EXD2: variants seen among roughly 807,000 people sequenced by gnomAD.
EXD2 encodes exonuclease 3'-5' domain containing 2.
A neutral mutation model predicts 62.5 loss-of-function variants in EXD2; 40 were observed. The ratio of observed to expected loss-of-function variants is 0.64; its 90% CI spans 0.50 to 0.83. The LOEUF is 0.83. Among genes scored for constraint, EXD2 ranks in the 40% least tolerant of loss-of-function variants. EXD2 has a pLI of 0.00. For synonymous variants in EXD2, 239 were observed against 291.9 expected, an observed-to-expected ratio of 0.82 and a Z score of 1.85; for missense variants, 671 against 761.8, an observed-to-expected ratio of 0.88 and a Z score of 1.40.
intron 3 of EXD2, among the ~76,000 whole-genome samples, chr14:69,220,253 G>GTTTTTTTTTTTTCTT (rs2043127761): frequency 2.8e-5 from 1 of 35,094 alleles, no homozygotes; most frequent in Non-Finnish European, 4.9e-5. Context: ...TTGTCTCTCT[G>GTTTTTTTTTTTTCTT]TTTTTTTTTT....
intron 3 of EXD2, among the ~76,000 whole-genome samples, chr14:69,220,260 T>G (rs1000182304): frequency 7.3e-3 from 260 of 35,600 alleles, no homozygotes; most frequent in East Asian, 0.037. Context: ...TCTGTTTTTT[T>G]TTTTTTTTTT....
chr14:69,217,303 C>T (rs2043017080), intron 3 of EXD2, among the ~76,000 whole-genome samples: 1 of 152,162 alleles, frequency 6.6e-6, no homozygotes, highest in Admixed American at 6.5e-5. Context: ...GATCCTTCCA[C>T]CTCAGCCTCC....
At chr14:69,205,774 A>G (rs1040112573) in intron 2 of EXD2, among the ~76,000 whole-genome samples, 2 of 152,050 alleles carry the variant, frequency 1.3e-5, no homozygotes, top group Admixed American at 6.6e-5. Context: ...CCTGGTTCCA[A>G]TAGAATTTAC....
chr14:69,202,282 T>C (rs2042435229), intron 1 of EXD2, among the ~76,000 whole-genome samples: 1 of 151,884 alleles, frequency 6.6e-6, no homozygotes, highest in Non-Finnish European at 1.5e-5. Context: ...GGGGTTGAGG[T>C]GGGAGGATCA....
chr14:69,209,419 T>C lies in EXD2; in HGVS notation c.-47-5T>C. On this transcript the variant is annotated splice_region_variant and splice_polypyrimidine_tract_variant and intron_variant, in intron 2 of 9. Transcript: ENST00000685843. ...ATAAATATATTTTTGCCATTTGTTT[T>C]GCAGATTGTGGGATTAGTGATATGC... The C allele has an allele frequency of 7.2e-7, 1 of 1,398,134 alleles. No homozygotes were observed. The highest frequency in any genetic ancestry group is 9.5e-7 in the Non-Finnish European group (1 of 1,054,968). 86.6% of individuals were successfully genotyped at this position (1,398,134 alleles called of 1,614,324 possible). A position where few individuals can be genotyped will look rare whatever the true frequency, so the allele number is the denominator to read the frequency against.
intron 3 of EXD2, among the ~76,000 whole-genome samples, chr14:69,214,747 C>T (rs867342935): frequency 6.6e-6 from 1 of 152,158 alleles, no homozygotes; most frequent in African/African-American, 2.4e-5. Context: ...TTTCTTTATA[C>T]TTTTACTGCT....
At chr14:69,225,361 C>T (rs1331652703) in intron 3 of EXD2, among the ~76,000 whole-genome samples, 1 of 152,078 alleles carries the variant, frequency 6.6e-6, no homozygotes, top group Admixed American at 6.6e-5. Flanking sequence ...TTTAAGAATA[C>T]TGAAGCCAAA....
intron 1 of EXD2, among the ~76,000 whole-genome samples, chr14:69,199,135 T>A (rs1379631025): frequency 6.6e-6 from 1 of 152,232 alleles, no homozygotes; most frequent in South Asian, 2.1e-4. Context: ...CCCCGGCTAC[T>A]CAGGAGGCTG....
chr14:69,217,760 A>G (rs1243628224), intron 3 of EXD2, among the ~76,000 whole-genome samples: 1 of 152,002 alleles, frequency 6.6e-6, no homozygotes, highest in East Asian at 1.9e-4. Context: ...TCATTGTTCA[A>G]TTCCCACCTA....
chr14:69,221,909 T>TA (rs60647735), intron 3 of EXD2, among the ~76,000 whole-genome samples: 10,237 of 52,052 alleles, frequency 0.2, 1,818 homozygotes, highest in East Asian at 0.79. Flanking sequence ...CTGTCTCTAC[T>TA]AAAAAAAAAA....
intron 3 of EXD2, among the ~76,000 whole-genome samples, chr14:69,220,666 C>T (rs1417378667): frequency 6.7e-6 from 1 of 149,630 alleles, no homozygotes; most frequent in African/African-American, 2.5e-5. Flanking sequence ...GTCAGGAGTT[C>T]GAGACCAGCC....
intron 3 of EXD2, chr14:69,228,078 G>C (rs998016032): frequency 6.6e-6 from 1 of 150,504 alleles, no homozygotes; most frequent in African/African-American, 2.4e-5. Flanking sequence ...AGTCAGTGAT[G>C]ATAAGGTAAA....
rs1594790657 is a variant in EXD2, at chr14:69,241,723, TC to T, written c.*625del. The T allele has an allele frequency of 3.0e-5, 12 of 397,548 alleles. No individual in the cohort carries two copies. In the East Asian group the frequency reaches 4.3e-4, roughly 14 times the overall value. 24.6% of individuals were successfully genotyped at this position (397,548 alleles called of 1,614,324 possible). A position where few individuals can be genotyped will look rare whatever the true frequency, so the allele number is the denominator to read the frequency against. ...ACACTTCCAGGACCAAACAGCAACT[TC>T]CTGCCACACACTTCCACCCTATCAC... On this transcript the variant is annotated 3_prime_UTR_variant, in exon 10 of 10. Transcript: ENST00000685843.
intron 2 of EXD2, among the ~76,000 whole-genome samples, chr14:69,204,656 C>T (rs1167892009): frequency 6.6e-6 from 1 of 152,122 alleles, no homozygotes; most frequent in African/African-American, 2.4e-5. Context: ...AAGCTTGGAT[C>T]CCAGAGTAAA....
At chr14:69,238,792 A>G (rs2043889111) in intron 9 of EXD2, among the ~76,000 whole-genome samples, 1 of 151,832 alleles carries the variant, frequency 6.6e-6, no homozygotes, top group African/African-American at 2.4e-5. Flanking sequence ...GCACCACCAC[A>G]CCCAGCTAAT....
intron 1 of EXD2, among the ~76,000 whole-genome samples, chr14:69,202,793 T>C (rs1486229978): frequency 6.6e-6 from 1 of 152,184 alleles, no homozygotes; most frequent in Non-Finnish European, 1.5e-5. Context: ...TTGGCCTCAA[T>C]AGATGAAACA....
chr14:69,237,722 G>T lies in EXD2; in HGVS notation c.1440G>T (p.Glu480Asp). 5 of 1,614,142 alleles carry T rather than the reference G, an allele frequency of 3.1e-6. No individual in the cohort carries two copies. The highest frequency in any genetic ancestry group is 4.2e-6 in the Non-Finnish European group (5 of 1,180,000). Reference sequence around the variant, plus strand: ...ATCTGAAGCAGCAGCTGGCCAAGGAGTTCCAGGCCCCCATCGGCTCTGAGG... The same window carrying T: ...ATCTGAAGCAGCAGCTGGCCAAGGATTTCCAGGCCCCCATCGGCTCTGAGG... Reference protein sequence around the residue: ...DNHLKQQLAKEFQAPIGSEEG... With the variant: ...DNHLKQQLAKDFQAPIGSEEG... The change falls in exon 9 of 10, where the codon GAG becomes GAT. Residue 480 changes from glutamate (E) to aspartate (D), a missense_variant. Glu to Asp is a conservative substitution (Grantham distance 45). Coordinates refer to ENST00000685843, the MANE Select transcript of EXD2 (RefSeq NM_001193360.2).
chr14:69,205,866 G>C (rs1048548183), intron 2 of EXD2, among the ~76,000 whole-genome samples: 2 of 151,960 alleles, frequency 1.3e-5, no homozygotes, highest in African/African-American at 4.8e-5. Context: ...CCTTGTATCT[G>C]CTTGAGCCAT....
At chr14:69,228,169 G>C (rs2043426403) in intron 3 of EXD2, among the ~76,000 whole-genome samples, 1 of 149,136 alleles carries the variant, frequency 6.7e-6, no homozygotes, top group South Asian at 2.1e-4. Context: ...CTACTCCTGG[G>C]CCTTTTTTCC....
Sources: gnomAD v4.1 joint callset for allele counts (sites outside exome capture counted in the v4.1 genomes callset) on GRCh38, gnomAD v4.1.1 for gene constraint, MANE v1.5 for transcripts, NCBI Gene and HGNC (gene_info 2026-07-23, HGNC 2026-07-21) for gene names.